The following CTXND1 variants were observed in gnomAD, a reference collection of about 807,000 sequenced individuals.
CTXND1 encodes the protein cortexin domain containing 1.
chr15:80,246,022 G>C (rs1305907631), intron 1 of CTXND1, among the ~76,000 whole-genome samples: 1 of 152,178 alleles, frequency 6.6e-6, no homozygotes, highest in Non-Finnish European at 1.5e-5. Context: ...ATGTGTCTGA[G>C]ATCATAGGTA....
intron 1 of CTXND1, among the ~76,000 whole-genome samples, chr15:80,235,109 G>A (rs949555893): frequency 6.6e-6 from 1 of 152,180 alleles, no homozygotes; most frequent in African/African-American, 2.4e-5. Flanking sequence ...AGGGTTGTGG[G>A]GGAGGCAAGG....
At chr15:80,218,251 T>G (rs28550955) in intron 1 of CTXND1, among the ~76,000 whole-genome samples, 36,844 of 151,980 alleles carry the variant, frequency 0.24, 4,918 homozygotes, top group Middle Eastern at 0.33. Context: ...CCCTATCACT[T>G]CAGCCTCCCA....
chr15:80,207,455 C>T (rs1258537811), intron 1 of CTXND1, among the ~76,000 whole-genome samples: 1 of 152,196 alleles, frequency 6.6e-6, no homozygotes, highest in Non-Finnish European at 1.5e-5. Flanking sequence ...TGCTTTAAAA[C>T]AATTTCCAGC....
chr15:80,200,359 T>G lies in CTXND1; in HGVS notation c.*1411A>C, dbSNP rs576672323. ...TGAGGAAATTGGGGCTCAGAGAGGC[T>G]GAGTGAGTTATTTGGGGTCCTCTAA... On this transcript the variant is annotated 3_prime_UTR_variant, in exon 3 of 3. Coordinates refer to ENST00000560778, the MANE Select transcript of CTXND1 (RefSeq NM_001352888.2). 1 of 152,312 alleles carries G rather than the reference T, an allele frequency of 6.6e-6. No individual in the cohort carries two copies. The highest frequency in any genetic ancestry group is 2.1e-4 in the South Asian group (1 of 4,816). The allele number at this position is 152,312 out of a possible 1,614,324, so 9.4% of individuals were successfully genotyped here.
rs1567126103 is a variant in CTXND1, at chr15:80,197,223, A to T, written c.*4547T>A. 1 of 151,492 alleles carries T rather than the reference A, an allele frequency of 6.6e-6. No homozygotes were observed. Among genetic ancestry groups the T allele is most frequent in the African/African-American group, 2.4e-5 (1 of 41,188 alleles). 9.4% of individuals were successfully genotyped at this position (151,492 alleles called of 1,614,324 possible). A position where few individuals can be genotyped will look rare whatever the true frequency, so the allele number is the denominator to read the frequency against. ...AGGTGTGCAACACCACAGCCAGGTA[A>T]TTTTTTTTTAATTATTTTATTTTTT... On this transcript the variant is annotated 3_prime_UTR_variant, in exon 3 of 3. Transcript: ENST00000560778.
rs146012583 is a variant in CTXND1, at chr15:80,224,574, C to T, written c.-217-20834G>A. The stretch of plus-strand genomic sequence containing the variant: ...GCATTTCCGTATAAATTCAGTTTAT[C>T]AATTTCCACAAAACATAAGCATGCT... On this transcript the variant is annotated intron_variant, in intron 1 of 2. Coordinates refer to ENST00000560778, the MANE Select transcript of CTXND1 (RefSeq NM_001352888.2). 2.9e-3 allele frequency among the ~76,000 whole-genome samples: 439 copies of T among 152,282 alleles called. 3 individuals carry two copies. Among genetic ancestry groups the T allele is most frequent in the Middle Eastern group, 0.014 (4 of 292 alleles).
At chr15:80,224,863 C>T (rs1357093824) in intron 1 of CTXND1, among the ~76,000 whole-genome samples, 4 of 152,200 alleles carry the variant, frequency 2.6e-5, no homozygotes, top group Admixed American at 2.6e-4. Flanking sequence ...CCTGTCTCAG[C>T]CTCCCAAGCA....
intron 1 of CTXND1, among the ~76,000 whole-genome samples, chr15:80,240,746 C>G (rs10152265): frequency 0.017 from 2,594 of 152,254 alleles, 82 homozygotes; most frequent in South Asian, 0.082. Flanking sequence ...AAATCAGTGG[C>G]AAATGTCACA....
chr15:80,219,933 C>T (rs2142129299), intron 1 of CTXND1, among the ~76,000 whole-genome samples: 1 of 152,270 alleles, frequency 6.6e-6, no homozygotes, highest in South Asian at 2.1e-4. Context: ...TCTGCAATCC[C>T]TCCCGCCCCG....
intron 1 of CTXND1, among the ~76,000 whole-genome samples, chr15:80,250,890 T>A (rs192813621): frequency 6.6e-6 from 1 of 152,328 alleles, no homozygotes; most frequent in East Asian, 1.9e-4. Context: ...TGTGGCTTAA[T>A]GAGGGTGAGG....
chr15:80,223,897 T>G (rs1031732971), intron 1 of CTXND1, among the ~76,000 whole-genome samples: 2 of 152,138 alleles, frequency 1.3e-5, no homozygotes, highest in Non-Finnish European at 2.9e-5. Context: ...ACAAATACTT[T>G]GAAGAGGTTG....
chr15:80,207,056 T>G (rs2142123259), intron 1 of CTXND1, among the ~76,000 whole-genome samples: 1 of 152,346 alleles, frequency 6.6e-6, no homozygotes, highest in African/African-American at 2.4e-5. Context: ...TCTCCTTCTC[T>G]TTGGTTTTCA....
At chr15:80,226,443 G>A (rs191934449) in intron 1 of CTXND1, among the ~76,000 whole-genome samples, 202 of 152,252 alleles carry the variant, frequency 1.3e-3, no homozygotes, top group African/African-American at 4.5e-3. Context: ...ACGGCCCCAA[G>A]TTGTCCCTCC....
At chr15:80,215,557 T>C (rs541485921) in intron 1 of CTXND1, among the ~76,000 whole-genome samples, 9 of 152,262 alleles carry the variant, frequency 5.9e-5, no homozygotes, top group African/African-American at 1.9e-4. Flanking sequence ...TGGGTGGTCC[T>C]TCAAGGTGTG....
At chr15:80,242,189 G>A (rs1445730126) in intron 1 of CTXND1, among the ~76,000 whole-genome samples, 2 of 152,164 alleles carry the variant, frequency 1.3e-5, no homozygotes, top group African/African-American at 2.4e-5. Context: ...CTGAGTGACC[G>A]TCCCCTATGT....
chr15:80,215,091 T>C (rs55885184), intron 1 of CTXND1, among the ~76,000 whole-genome samples: 50,124 of 152,054 alleles, frequency 0.33, 8,284 homozygotes, highest in East Asian at 0.39. Context: ...AAAACCCAAA[T>C]TAAACAATCT....
chr15:80,213,435 TG>T (rs1893221467), intron 1 of CTXND1, among the ~76,000 whole-genome samples: 1 of 152,066 alleles, frequency 6.6e-6, no homozygotes, highest in African/African-American at 2.4e-5. Flanking sequence ...TTAAGGGTGT[TG>T]GGATTGGGGG....
chr15:80,196,725 G>A lies in CTXND1; in HGVS notation c.*5045C>T, dbSNP rs1173516937. On this transcript the variant is annotated 3_prime_UTR_variant, in exon 3 of 3. Transcript: ENST00000560778. The stretch of plus-strand genomic sequence containing the variant: ...AGTGGTAATAAGATGAATTGTGCTG[G>A]TTTTTCTTCTTTTGCTCCAGTGTGC... 3 of 152,214 alleles carry A rather than the reference G, an allele frequency of 2.0e-5. No individual in the cohort carries two copies. The highest frequency in any genetic ancestry group is 4.1e-4 in the South Asian group (2 of 4,824). 9.4% of individuals were successfully genotyped at this position (152,214 alleles called of 1,614,324 possible). A position where few individuals can be genotyped will look rare whatever the true frequency, so the allele number is the denominator to read the frequency against.
At chr15:80,208,588 T>A (rs1030232797) in intron 1 of CTXND1, among the ~76,000 whole-genome samples, 7 of 152,168 alleles carry the variant, frequency 4.6e-5, no homozygotes, top group East Asian at 1.9e-4. Context: ...TGTCTTTTTT[T>A]AAAAAATAAA....
Sources: allele counts gnomAD v4.1 joint callset (sites outside exome capture counted in the v4.1 genomes callset), GRCh38; gene constraint gnomAD v4.1.1; transcripts MANE v1.5; gene names NCBI Gene and HGNC (gene_info 2026-07-23, HGNC 2026-07-21).